CEP83: variants seen among roughly 807,000 people sequenced by gnomAD.
CEP83 encodes the protein centrosomal protein 83.
In CEP83, 70 loss-of-function variants were observed where a neutral mutation model predicts 101.9. The observed-to-expected ratio is 0.69, with a 90% CI of 0.57 to 0.84. The LOEUF (loss-of-function observed/expected upper bound fraction) is 0.84. Among genes scored for constraint, CEP83 ranks in the 40% least tolerant of loss-of-function variants. The probability of loss-of-function intolerance (pLI) is 0.00; values close to 1 mark genes in which losing one functional copy is unlikely to be tolerated. For missense variants in CEP83, 715 were observed against 787.2 expected (o/e 0.91, Z 1.10); for synonymous variants, 264 against 267.9 (o/e 0.99, Z 0.14).
chr12:94,420,518 G>A (rs2064642970), intron 2 of CEP83, among the ~76,000 whole-genome samples: 2 of 152,156 alleles, frequency 1.3e-5, no homozygotes, highest in South Asian at 4.1e-4. Flanking sequence ...GGCTTTGAAC[G>A]CAGCCCAATA....
chr12:94,424,234 G>A, intron 2 of CEP83: 1 of 1,613,130 alleles, frequency 6.2e-7, no homozygotes, highest in East Asian at 2.2e-5. Flanking sequence ...AGGCCATGAT[G>A]CCCATGTCTC....
chr12:94,324,767 G>A (rs957997101), intron 14 of CEP83, among the ~76,000 whole-genome samples: 1 of 152,082 alleles, frequency 6.6e-6, no homozygotes, highest in African/African-American at 2.4e-5. Context: ...GTGCTGATCT[G>A]TAACCTGGAC....
At chr12:94,411,642 C>A in intron 4 of CEP83, 55 bp downstream of exon 4, 1 of 1,352,834 alleles carries the variant, frequency 7.4e-7, no homozygotes, top group Non-Finnish European at 1.0e-6. Context: ...TACTTACTTC[C>A]ACTACGTATC....
intron 11 of CEP83, among the ~76,000 whole-genome samples, chr12:94,340,169 C>G (rs1041599987): frequency 1.3e-5 from 2 of 152,234 alleles, no homozygotes; most frequent in African/African-American, 4.8e-5. Flanking sequence ...AATAAGAGCC[C>G]TGGCTTTAAG....
intron 11 of CEP83, among the ~76,000 whole-genome samples, chr12:94,346,816 AAAACACC>A (rs2059954303): frequency 6.6e-6 from 1 of 152,178 alleles, no homozygotes; most frequent in Admixed American, 6.5e-5. Context: ...AACACAGGAA[AAAACACC>A]ACTCAGGAGT....
At chr12:94,325,931 T>C (rs568801333) in intron 14 of CEP83, among the ~76,000 whole-genome samples, 3 of 152,254 alleles carry the variant, frequency 2.0e-5, no homozygotes, top group South Asian at 2.1e-4. Context: ...GTATAAGTGA[T>C]AGGAGTGGTT....
chr12:94,424,102 C>T (rs144141786), intron 2 of CEP83: 164 of 1,607,492 alleles, frequency 1.0e-4, no homozygotes, highest in Non-Finnish European at 1.2e-4. Context: ...CTCTCTGATA[C>T]GAAGACACAG....
intron 6 of CEP83, 83 bp from the exon 7 acceptor site, chr12:94,379,125 A>G: frequency 8.5e-7 from 1 of 1,179,944 alleles, no homozygotes; most frequent in Non-Finnish European, 1.2e-6. Flanking sequence ...CAGTAAAATT[A>G]AAAAATGCAC....
chr12:94,440,054 C>T (rs1206564305), intron 1 of CEP83, among the ~76,000 whole-genome samples: 1 of 152,172 alleles, frequency 6.6e-6, no homozygotes, highest in Non-Finnish European at 1.5e-5. Flanking sequence ...TAAAAGCCCT[C>T]TATGACAAAC....
rs752393422 is a variant in CEP83, at chr12:94,412,328, C to T, written c.163G>A (p.Glu55Lys). ...ATTTAAGTAATTTACCTTGTGTGTT[C>T]AGCCTTCAGTGTCTGATAATTAGCT... ...HKANYQTLKAEHTRLQNEHVK... is the reference protein window; with the variant it reads ...HKANYQTLKAKHTRLQNEHVK... Residue 55 changes from glutamate to lysine, a missense_variant, in exon 3 of 17, where the codon GAA (glutamate) becomes AAA (lysine). Coordinates refer to ENST00000397809, the MANE Select transcript of CEP83 (RefSeq NM_016122.3). The T allele has an allele frequency of 1.2e-6, 2 of 1,602,254 alleles. No individual in the cohort carries two copies. The highest frequency in any genetic ancestry group is 1.7e-6 in the Non-Finnish European group (2 of 1,176,108).
intron 4 of CEP83, among the ~76,000 whole-genome samples, chr12:94,411,085 C>T (rs1367639097): frequency 5.9e-5 from 9 of 152,080 alleles, no homozygotes; most frequent in East Asian, 1.9e-4. Context: ...AAATATTATT[C>T]GTGAGAACCT....
At chr12:94,356,972 G>A (rs1416646188) in intron 11 of CEP83, among the ~76,000 whole-genome samples, 1 of 152,058 alleles carries the variant, frequency 6.6e-6, no homozygotes, top group Non-Finnish European at 1.5e-5. Flanking sequence ...GCACATTAGA[G>A]CTTGGGGAAA....
Position 94,411,861 on chromosome 12 carries a change from A to G in CEP83, c.174-14T>C. On this transcript the variant is annotated splice_polypyrimidine_tract_variant and intron_variant, in intron 3 of 16. Transcript: ENST00000397809. ...TCATTCTGCAACCTGGTTTTTTTTA[A>G]AGAGAATTCAATTTTGAGTAAATCC... The G allele has an allele frequency of 2.5e-6, 4 of 1,598,856 alleles. No individual in the cohort carries two copies. The highest frequency in any genetic ancestry group is 3.4e-6 in the Non-Finnish European group (4 of 1,171,108).
the CEP83 span, among the ~76,000 whole-genome samples, chr12:94,273,723 C>A: frequency 6.6e-6 from 1 of 152,202 alleles, no homozygotes; most frequent in Non-Finnish European, 1.5e-5. Context: ...GTGCCCTGCA[C>A]ACAATAGGTG....
the CEP83 span, chr12:94,297,558 G>T: frequency 1.6e-6 from 1 of 641,566 alleles, no homozygotes. Flanking sequence ...AGTTTAAATT[G>T]TAAACACTTC....
At chr12:94,340,851 AGAGAG>A (rs1461932624) in intron 11 of CEP83, among the ~76,000 whole-genome samples, 1 of 152,176 alleles carries the variant, frequency 6.6e-6, no homozygotes, top group Non-Finnish European at 1.5e-5. Context: ...AGAGATAATA[AGAGAG>A]GAGAGAGAAA....
the CEP83 span, among the ~76,000 whole-genome samples, chr12:94,288,423 C>T: frequency 2.6e-5 from 4 of 152,196 alleles, no homozygotes; most frequent in Non-Finnish European, 5.9e-5. Context: ...CCAACTCCCT[C>T]AGGAGGAAGA....
the CEP83 span, among the ~76,000 whole-genome samples, chr12:94,296,044 C>A: frequency 1.3e-5 from 2 of 152,212 alleles, no homozygotes; most frequent in Non-Finnish European, 2.9e-5. Flanking sequence ...TTTGGGTCCA[C>A]CATCCTTTCC....
Position 94,371,556 on chromosome 12 carries a change from C to G in CEP83, c.934-1520G>C, listed in dbSNP as rs760759201. On this transcript the variant is annotated intron_variant, in intron 8 of 16. Coordinates refer to ENST00000397809, the MANE Select transcript of CEP83 (RefSeq NM_016122.3). ...ATTAACCCATTTTCTGATATATTAT[C>G]CAAATATATAAAAGTATGGAATCAG... is the stretch of plus-strand genomic sequence containing the variant. Among the ~76,000 whole-genome samples, 3 of 152,054 alleles carry G rather than the reference C, an allele frequency of 2.0e-5. No homozygotes were observed. In the East Asian group the frequency reaches 5.8e-4, roughly 29 times the overall value.
Sources: gnomAD v4.1 joint callset for allele counts (sites outside exome capture counted in the v4.1 genomes callset) on GRCh38, gnomAD v4.1.1 for gene constraint, MANE v1.5 for transcripts, NCBI Gene and HGNC (gene_info 2026-07-23, HGNC 2026-07-21) for gene names.